Variants in MGST1 observed in about 807,000 individuals in gnomAD.
The protein encoded by MGST1 is glutathione S-transferase 12.
MGST1 carries 5 observed loss-of-function variants against 8.9 expected under a neutral mutation model. That is an observed-to-expected ratio of 0.56 (90% CI 0.29 to 1.19). The LOEUF is 1.19. Ranked by LOEUF, MGST1 falls within the 50% of genes most tolerant of loss-of-function variation. MGST1 has a pLI of 0.08. For synonymous variants in MGST1, 54 were observed against 67.8 expected (o/e 0.80, Z 1.00); for missense variants, 182 against 187.4 (o/e 0.97, Z 0.17).
chr12:16,416,972 G>C (rs1434410628), intron 1 of MGST1, among the ~76,000 whole-genome samples: 1 of 152,080 alleles, frequency 6.6e-6, no homozygotes, highest in Non-Finnish European at 1.5e-5. Flanking sequence ...AGTTAAAAAT[G>C]GGCCAAGTTA....
chr12:16,507,859 C>G (rs572850279), intron 4 of MGST1, among the ~76,000 whole-genome samples: 5 of 152,018 alleles, frequency 3.3e-5, no homozygotes, highest in Non-Finnish European at 5.9e-5. Flanking sequence ...CAATTCAACA[C>G]GAGATTTGGG....
At chr12:16,454,902 A>AAAAAAAAAAAAAAAAAAAAAG (rs1555104768) in intron 4 of MGST1, among the ~76,000 whole-genome samples, 2 of 125,996 alleles carry the variant, frequency 1.6e-5, no homozygotes, top group African/African-American at 6.5e-5. Flanking sequence ...AAAAAAAAAA[A>AAAAAAAAAAAAAAAAAAAAAG]AAGGAGATGG....
chr12:16,506,905 AC>A (rs1188763624), intron 4 of MGST1, among the ~76,000 whole-genome samples: 13 of 152,368 alleles, frequency 8.5e-5, no homozygotes, highest in Admixed American at 7.8e-4. Flanking sequence ...CGGACAGGGT[AC>A]AAACAAGATA....
chr12:16,582,767 G>T lies in MGST1; in HGVS notation n.483-6761G>T, dbSNP rs531642684. 6.6e-6 allele frequency among the ~76,000 whole-genome samples: 1 copy of T among 152,158 alleles called. No homozygotes were observed. The highest frequency in any genetic ancestry group is 1.5e-5 in the Non-Finnish European group (1 of 68,028). On this transcript the variant is annotated intron_variant and non_coding_transcript_variant, in intron 4 of 4. Transcript: ENST00000538857. This position sits in a 1 kb window ranked among gnomAD's most constrained non-coding sequence, Gnocchi z 4.1. ...ACGCCCAGAAAAGAATCAGAACTAG[G>T]CCGGGCACGGTGGCCCATGCCTGTA...
chr12:16,515,092 G>T (rs1330807057), intron 4 of MGST1, among the ~76,000 whole-genome samples: 2 of 152,272 alleles, frequency 1.3e-5, no homozygotes, highest in Admixed American at 6.5e-5. Flanking sequence ...TGAACAGTTG[G>T]CCTCAGGTCT....
chr12:16,522,198 G>A (rs901913001), intron 4 of MGST1, among the ~76,000 whole-genome samples: 3 of 152,060 alleles, frequency 2.0e-5, no homozygotes, highest in Admixed American at 6.6e-5. Context: ...GGAGCAGAGG[G>A]CATTCTCAGG....
chr12:16,509,353 C>T (rs150636934), intron 4 of MGST1, among the ~76,000 whole-genome samples: 14 of 152,236 alleles, frequency 9.2e-5, no homozygotes, highest in African/African-American at 3.4e-4. Context: ...TTTTGCACAT[C>T]TCTTCTACTA....
chr12:16,385,389 T>C (rs1048689832), intron 1 of MGST1, among the ~76,000 whole-genome samples: 3 of 152,276 alleles, frequency 2.0e-5, no homozygotes, highest in Non-Finnish European at 4.4e-5. Flanking sequence ...ACTCTGAGGT[T>C]ACATCAATCA....
intron 4 of MGST1, among the ~76,000 whole-genome samples, chr12:16,467,608 A>G (rs1253487817): frequency 6.6e-6 from 1 of 152,220 alleles, no homozygotes; most frequent in Admixed American, 6.5e-5. Context: ...TCCACTTTTA[A>G]AAAGTTCATA....
At chr12:16,412,301 A>G (rs1240368207) in intron 1 of MGST1, among the ~76,000 whole-genome samples, 2 of 144,454 alleles carry the variant, frequency 1.4e-5, no homozygotes, top group East Asian at 2.4e-4. Flanking sequence ...TAAAGTTTCC[A>G]AACATGGTAG....
intron 4 of MGST1, among the ~76,000 whole-genome samples, chr12:16,496,482 T>C (rs1941470707): frequency 6.6e-6 from 1 of 152,110 alleles, no homozygotes; most frequent in Non-Finnish European, 1.5e-5. Flanking sequence ...TTTGAAATGA[T>C]TTAAACTTTT....
rs1941843336 is a variant in MGST1, at chr12:16,547,711, A to T, written n.483-41817A>T. On this transcript the variant is annotated intron_variant and non_coding_transcript_variant, in intron 4 of 4. Transcript: ENST00000538857. This position sits in a 1 kb window ranked among gnomAD's most constrained non-coding sequence, Gnocchi z 4.6. ...TACATTAAAACCACATTTAAAAAAT[A>T]TAACAATGTTTTTAAGAAAAAGTAA... Among the ~76,000 whole-genome samples, 1 of 152,216 alleles carries T rather than the reference A, an allele frequency of 6.6e-6. No individual in the cohort carries two copies. Among genetic ancestry groups the T allele is most frequent in the African/African-American group, 2.4e-5 (1 of 41,458 alleles).
chr12:16,381,426 T>C (rs1940453235), downstream of MGST1, among the ~76,000 whole-genome samples: 1 of 152,244 alleles, frequency 6.6e-6, no homozygotes, highest in African/African-American at 2.4e-5. Context: ...TATGAAATTC[T>C]GGGTTGAAAA....
At chr12:16,378,848 G>A (rs558671080), downstream of MGST1, among the ~76,000 whole-genome samples, 186 of 152,036 alleles carry the variant, frequency 1.2e-3, 2 homozygotes, top group East Asian at 0.031. Context: ...AGTTCTCCTT[G>A]AAGAGGTCCT....
chr12:16,408,726 T>C (rs1293553554), intron 1 of MGST1, among the ~76,000 whole-genome samples: 1 of 152,186 alleles, frequency 6.6e-6, no homozygotes, highest in Non-Finnish European at 1.5e-5. Flanking sequence ...ATTCTCTCTT[T>C]TTACTACTTC....
In MGST1 at chr12:16,401,500, A is replaced by G. The variant is rs778396088; in HGVS notation, n.778+17896A>G. On this transcript the variant is annotated intron_variant and non_coding_transcript_variant, in intron 1 of 1. Coordinates refer to the MGST1 transcript ENST00000359720. This position sits in a 1 kb window ranked among gnomAD's most constrained non-coding sequence, Gnocchi z 4.3. ...TAATTCCTTCAGCAGCTCTTCTTGA[A>G]GCTGGAGTAAAAAGTTGTAATTTTC... 3 of 858,246 alleles carry G rather than the reference A, an allele frequency of 3.5e-6. No individual in the cohort carries two copies. The highest frequency in any genetic ancestry group is 5.9e-6 in the Non-Finnish European group (3 of 504,556). 53.2% of individuals were successfully genotyped at this position (858,246 alleles called of 1,614,324 possible). A position where few individuals can be genotyped will look rare whatever the true frequency, so the allele number is the denominator to read the frequency against.
intron 4 of MGST1, among the ~76,000 whole-genome samples, chr12:16,465,409 G>C (rs917441194): frequency 1.3e-5 from 2 of 152,188 alleles, no homozygotes; most frequent in Non-Finnish European, 2.9e-5. Flanking sequence ...ATCCCGGCCA[G>C]TTGACCGGTA....
At chr12:16,387,687 T>C (rs911015877) in intron 1 of MGST1, among the ~76,000 whole-genome samples, 31 of 152,046 alleles carry the variant, frequency 2.0e-4, no homozygotes, top group South Asian at 1.5e-3. Flanking sequence ...CCACCACGCC[T>C]GGCTAATTTT....
intron 4 of MGST1, among the ~76,000 whole-genome samples, chr12:16,444,584 T>C (rs574958259): frequency 6.6e-6 from 1 of 152,000 alleles, no homozygotes; most frequent in African/African-American, 2.4e-5. Context: ...ACATACAAAG[T>C]CAGTCCATCC....
Sources: gnomAD v4.1 joint callset for allele counts (sites outside exome capture counted in the v4.1 genomes callset) on GRCh38, gnomAD v4.1.1 for gene constraint, Gnocchi (gnomAD v3.1) non-coding constraint, MANE v1.5 for transcripts, NCBI Gene and HGNC (gene_info 2026-07-23, HGNC 2026-07-21) for gene names.